The following DENND5B variants were observed in gnomAD, a reference collection of about 807,000 sequenced individuals.
The protein encoded by DENND5B is DENN domain containing 5B.
Under a neutral mutation model 140.6 loss-of-function variants are expected in DENND5B, and 34 were observed. That is an observed-to-expected ratio of 0.24 (90% CI 0.18 to 0.32). The LOEUF is 0.32. Ranked by LOEUF, DENND5B falls within the 10% of genes least tolerant of loss-of-function variation. The probability of loss-of-function intolerance (pLI) is 1.00; values close to 1 mark genes in which losing one functional copy is unlikely to be tolerated. For missense variants in DENND5B, 1,142 were observed against 1,560.2 expected (o/e 0.73, Z 4.52); for synonymous variants, 551 against 562.1 (o/e 0.98, Z 0.28).
chr12:31,454,812 C>CTTTTTTTTTTTTTTTTT (rs201720111), intron 4 of DENND5B, among the ~76,000 whole-genome samples: 1 of 93,884 alleles, frequency 1.1e-5, no homozygotes, highest in Non-Finnish European at 1.9e-5. Context: ...GATTCAGTAT[C>CTTTTTTTTTTTTTTTTT]TTTTTTTTTT....
At chr12:31,520,050 A>G (rs1453095365) in intron 1 of DENND5B, among the ~76,000 whole-genome samples, 1 of 152,234 alleles carries the variant, frequency 6.6e-6, no homozygotes, top group African/African-American at 2.4e-5. Context: ...AAAATTTTAT[A>G]GTGTTTAGGC....
In DENND5B at chr12:31,388,111, G is replaced by C. The variant is rs1009164823; in HGVS notation, c.3642-325C>G. Among the ~76,000 whole-genome samples, 3 of 137,832 alleles carry C rather than the reference G, an allele frequency of 2.2e-5. No homozygotes were observed. In the East Asian group the frequency reaches 6.5e-4, roughly 30 times the overall value. 90.4% of individuals were successfully genotyped at this position (137,832 alleles called of 152,430 possible). A position where few individuals can be genotyped will look rare whatever the true frequency, so the allele number is the denominator to read the frequency against. ...TCTGATTTTACCACCTTTAGAAAGAGGCAGAATGTCATTTTCTATGTCTTT... is the reference window on the plus strand; with the variant it reads ...TCTGATTTTACCACCTTTAGAAAGACGCAGAATGTCATTTTCTATGTCTTT... On this transcript the variant is annotated intron_variant, in intron 20 of 20. Transcript: ENST00000389082.
intron 1 of DENND5B, among the ~76,000 whole-genome samples, chr12:31,513,769 T>C (rs1036928895): frequency 1.3e-5 from 2 of 152,170 alleles, no homozygotes; most frequent in South Asian, 2.1e-4. Context: ...CCCCTGCTCC[T>C]TTAATTGGAA....
chr12:31,449,731 GT>G (rs771712867), intron 5 of DENND5B, among the ~76,000 whole-genome samples: 35 of 89,954 alleles, frequency 3.9e-4, no homozygotes, highest in African/African-American at 1.4e-3. Flanking sequence ...ACACAGATTA[GT>G]TTTTTTTTTT....
chr12:31,585,920 C>CT (rs1402570105), intron 1 of DENND5B, among the ~76,000 whole-genome samples: 1 of 152,208 alleles, frequency 6.6e-6, no homozygotes, highest in Non-Finnish European at 1.5e-5. Flanking sequence ...CAAGGGAACA[C>CT]TTTAAGAATA....
At chr12:31,452,824 T>C (rs1419373950) in intron 4 of DENND5B, among the ~76,000 whole-genome samples, 1 of 152,192 alleles carries the variant, frequency 6.6e-6, no homozygotes, top group Non-Finnish European at 1.5e-5. Flanking sequence ...TTAATATATA[T>C]GAATAATTTT....
intron 3 of DENND5B, among the ~76,000 whole-genome samples, 183 bp from the exon 4 acceptor site, chr12:31,460,564 T>G (rs1261677681): frequency 6.6e-6 from 1 of 152,092 alleles, no homozygotes; most frequent in Non-Finnish European, 1.5e-5. Context: ...TGGTTTCATT[T>G]GAATAGTTTT....
At chr12:31,566,366 G>GTGTGTA (rs1442691959) in intron 1 of DENND5B, among the ~76,000 whole-genome samples, 1 of 133,190 alleles carries the variant, frequency 7.5e-6, no homozygotes, top group Non-Finnish European at 1.6e-5. Context: ...GTGTGTGTGT[G>GTGTGTA]TGTGTAATTC....
chr12:31,495,229 C>G (rs1021089938), intron 2 of DENND5B, among the ~76,000 whole-genome samples: 1 of 152,148 alleles, frequency 6.6e-6, no homozygotes, highest in African/African-American at 2.4e-5. Flanking sequence ...CATATTAATA[C>G]AAATGCACAA....
intron 11 of DENND5B, chr12:31,420,117 C>T (rs930021933): frequency 1.1e-5 from 10 of 932,946 alleles, no homozygotes; most frequent in South Asian, 9.9e-5. Context: ...ACTGGCTCAA[C>T]GTTTTTATTT....
chr12:31,434,127 T>C (rs1000962742), intron 7 of DENND5B, among the ~76,000 whole-genome samples: 3 of 152,202 alleles, frequency 2.0e-5, no homozygotes, highest in Non-Finnish European at 4.4e-5. Flanking sequence ...TAGCTTGTGT[T>C]TATCAGTTTT....
intron 2 of DENND5B, among the ~76,000 whole-genome samples, chr12:31,482,466 G>A (rs1438032554): frequency 6.6e-6 from 1 of 152,118 alleles, no homozygotes; most frequent in Admixed American, 6.6e-5. Context: ...AAACCTTGGA[G>A]TCATCTTTAA....
At chr12:31,535,969 C>T (rs1355790096) in intron 1 of DENND5B, among the ~76,000 whole-genome samples, 2 of 110,168 alleles carry the variant, frequency 1.8e-5, no homozygotes, top group Non-Finnish European at 3.5e-5. Context: ...TGGTTTAGAG[C>T]CATCCCCTCG....
chr12:31,556,935 C>G (rs1402039691), intron 1 of DENND5B, among the ~76,000 whole-genome samples: 1 of 152,158 alleles, frequency 6.6e-6, no homozygotes, highest in Non-Finnish European at 1.5e-5. Flanking sequence ...GATTTTCCCA[C>G]TAGGAGGTTC....
At chr12:31,416,296 GCT>G (rs1942734833) in intron 11 of DENND5B, among the ~76,000 whole-genome samples, 1 of 151,338 alleles carries the variant, frequency 6.6e-6, no homozygotes, top group African/African-American at 2.4e-5. Flanking sequence ...TTGCTCTGTT[GCT>G]CTGTTGCCAG....
chr12:31,488,133 T>A (rs79973359), intron 2 of DENND5B, among the ~76,000 whole-genome samples: 1 of 15,754 alleles, frequency 6.3e-5, no homozygotes. Context: ...ACCCGGCTAT[T>A]TTTTTTTTTT....
At chr12:31,487,416 G>T (rs1438811197) in intron 2 of DENND5B, among the ~76,000 whole-genome samples, 1 of 152,120 alleles carries the variant, frequency 6.6e-6, no homozygotes, top group East Asian at 1.9e-4. Flanking sequence ...AAACTCATTT[G>T]GCTGGGTGTA....
chr12:31,408,286 C>T (rs1197185303), intron 14 of DENND5B, among the ~76,000 whole-genome samples: 3 of 150,178 alleles, frequency 2.0e-5, no homozygotes, highest in Non-Finnish European at 3.0e-5. Flanking sequence ...GTGACAGAGC[C>T]AGACACCATC....
intron 1 of DENND5B, among the ~76,000 whole-genome samples, chr12:31,546,587 T>C (rs1210165418): frequency 1.3e-5 from 2 of 152,168 alleles, no homozygotes; most frequent in Admixed American, 1.3e-4. Context: ...CTCAGGAGGC[T>C]GAGGCAGGAG....
Sources: allele counts gnomAD v4.1 joint callset (sites outside exome capture counted in the v4.1 genomes callset), GRCh38; gene constraint gnomAD v4.1.1; transcripts MANE v1.5; gene names NCBI Gene and HGNC (gene_info 2026-07-23, HGNC 2026-07-21).